GLRB: variants seen among roughly 807,000 people sequenced by gnomAD.
GLRB encodes glycine receptor beta.
GLRB carries 33 observed loss-of-function variants against 54.2 expected under a neutral mutation model. The observed-to-expected ratio is 0.61, with a 90% CI of 0.46 to 0.81. GLRB has a LOEUF of 0.81. Among genes scored for constraint, GLRB ranks in the 40% least tolerant of loss-of-function variants. The probability of loss-of-function intolerance (pLI) is 0.00; values close to 1 mark genes in which losing one functional copy is unlikely to be tolerated. For missense variants in GLRB, 572 were observed against 584.6 expected (o/e 0.98, Z 0.22); for synonymous variants, 209 against 208.2 (o/e 1.00, Z -0.03).
At chr4:157,080,429 T>C (rs753425123) in intron 2 of GLRB, among the ~76,000 whole-genome samples, 1 of 152,220 alleles carries the variant, frequency 6.6e-6, no homozygotes, top group Non-Finnish European at 1.5e-5. Context: ...GGATGTACCT[T>C]GGAGAGTTAG....
intron 2 of GLRB, among the ~76,000 whole-genome samples, chr4:157,111,074 C>T (rs539593603): frequency 1.9e-4 from 29 of 151,984 alleles, no homozygotes; most frequent in African/African-American, 5.5e-4. Flanking sequence ...TTCAAAGCAC[C>T]GCTTTGTTCT....
intron 2 of GLRB, among the ~76,000 whole-genome samples, chr4:157,100,484 A>G (rs921854387): frequency 6.6e-6 from 1 of 152,150 alleles, no homozygotes; most frequent in Admixed American, 6.5e-5. Context: ...CCCTATTACT[A>G]AGGCTGAATG....
chr4:157,125,753 G>C (rs952203785), intron 4 of GLRB, among the ~76,000 whole-genome samples: 1 of 151,646 alleles, frequency 6.6e-6, no homozygotes, highest in African/African-American at 2.4e-5. Context: ...GGCCGACACT[G>C]TGAACCCCGT....
chr4:157,085,343 C>A (rs1734369578), intron 2 of GLRB, among the ~76,000 whole-genome samples: 1 of 152,046 alleles, frequency 6.6e-6, no homozygotes, highest in African/African-American at 2.4e-5. Context: ...TGGCCTCCAG[C>A]AATCCTCCTG....
intron 2 of GLRB, chr4:157,084,869 G>A (rs1389634478): frequency 3.1e-6 from 1 of 327,354 alleles, no homozygotes; most frequent in Non-Finnish European, 5.9e-6. Context: ...TATAATTCCA[G>A]TTTCTTACTT....
intron 2 of GLRB, among the ~76,000 whole-genome samples, chr4:157,088,454 C>G (rs1734490362): frequency 6.6e-6 from 1 of 152,096 alleles, no homozygotes; most frequent in African/African-American, 2.4e-5. Flanking sequence ...CTAGTCTTGG[C>G]TAAGTCTTCA....
chr4:157,077,464 CT>C (rs1300432313), intron 1 of GLRB, among the ~76,000 whole-genome samples: 1 of 151,930 alleles, frequency 6.6e-6, no homozygotes, highest in African/African-American at 2.4e-5. Flanking sequence ...TTGATATTAA[CT>C]TTTTCTTTTA....
intron 2 of GLRB, among the ~76,000 whole-genome samples, chr4:157,079,132 A>C (rs1333004686): frequency 6.6e-6 from 1 of 152,154 alleles, no homozygotes; most frequent in Non-Finnish European, 1.5e-5. Context: ...AAAATAGAGC[A>C]ATTGTACAGT....
At chr4:157,152,007 A>G (rs1301828478) in intron 8 of GLRB, among the ~76,000 whole-genome samples, 1 of 152,200 alleles carries the variant, frequency 6.6e-6, no homozygotes, top group African/African-American at 2.4e-5. Flanking sequence ...AAGGAAAAAG[A>G]GAGAGGAATG....
At chr4:157,122,988 G>A (rs1165341246) in intron 4 of GLRB, among the ~76,000 whole-genome samples, 1 of 151,688 alleles carries the variant, frequency 6.6e-6, no homozygotes, top group Non-Finnish European at 1.5e-5. Flanking sequence ...AAAGGAATAG[G>A]AAAGAGGTTC....
At chr4:157,138,104 C>T (rs1010969760) in intron 6 of GLRB, among the ~76,000 whole-genome samples, 5 of 152,120 alleles carry the variant, frequency 3.3e-5, no homozygotes, top group Non-Finnish European at 5.9e-5. Flanking sequence ...CAGAGTCTTG[C>T]TCTGTCACCC....
At chr4:157,127,389 T>C (rs1736052344) in intron 4 of GLRB, among the ~76,000 whole-genome samples, 1 of 151,844 alleles carries the variant, frequency 6.6e-6, no homozygotes, top group African/African-American at 2.4e-5. Flanking sequence ...ATGTTATTCA[T>C]CTTCAGGGTT....
At chr4:157,165,703 A>C (rs1436644035) in intron 9 of GLRB, among the ~76,000 whole-genome samples, 1 of 151,884 alleles carries the variant, frequency 6.6e-6, no homozygotes, top group Admixed American at 6.6e-5. Flanking sequence ...TTGTTCATTC[A>C]TGTATTCCTA....
intron 4 of GLRB, among the ~76,000 whole-genome samples, chr4:157,134,785 T>A (rs185566572): frequency 1.3e-5 from 2 of 152,086 alleles, no homozygotes; most frequent in Admixed American, 1.3e-4. Context: ...TACAATGAAG[T>A]AATTGAGAAA....
chr4:157,131,144 C>G (rs890704259), intron 4 of GLRB, among the ~76,000 whole-genome samples: 4 of 151,604 alleles, frequency 2.6e-5, no homozygotes, highest in Non-Finnish European at 5.9e-5. Flanking sequence ...GTTACATTGT[C>G]CTGGAGAATC....
At chr4:157,083,278 A>G (rs1185991409) in intron 2 of GLRB, among the ~76,000 whole-genome samples, 2 of 152,046 alleles carry the variant, frequency 1.3e-5, no homozygotes, top group African/African-American at 4.8e-5. Flanking sequence ...ATTGTCTCCA[A>G]AGTTTTAAAA....
At chr4:157,165,748 T>A (rs548870309) in intron 9 of GLRB, among the ~76,000 whole-genome samples, 15 of 152,150 alleles carry the variant, frequency 9.9e-5, no homozygotes, top group Admixed American at 5.9e-4. Context: ...AACCTACTGT[T>A]GTTAATGTCA....
chr4:157,120,769 A>G (rs1448121539), intron 3 of GLRB, 107 bp downstream of exon 3: 1 of 599,746 alleles, frequency 1.7e-6, no homozygotes, highest in East Asian at 3.3e-5. Flanking sequence ...TATTCAAAAC[A>G]GTAAGATTTC....
At chr4:157,098,586 G>T (rs772273107) in intron 2 of GLRB, among the ~76,000 whole-genome samples, 1 of 151,886 alleles carries the variant, frequency 6.6e-6, no homozygotes, top group Non-Finnish European at 1.5e-5. Flanking sequence ...GATAATCCTA[G>T]AAAATCACTT....
Sources: allele counts gnomAD v4.1 joint callset (sites outside exome capture counted in the v4.1 genomes callset), GRCh38; gene constraint gnomAD v4.1.1; transcripts MANE v1.5; gene names NCBI Gene and HGNC (gene_info 2026-07-23, HGNC 2026-07-21).